NLRP8: variants seen among roughly 807,000 people sequenced by gnomAD.
The protein encoded by NLRP8 is NACHT, LRR and PYD domains-containing protein 8.
NLRP8 carries 86 observed loss-of-function variants against 88.7 expected under a neutral mutation model. The observed-to-expected ratio is 0.97, with a 90% CI of 0.81 to 1.16. The LOEUF (loss-of-function observed/expected upper bound fraction) is 1.16. NLRP8 is among the 50% of genes most tolerant of loss of function. NLRP8 has a pLI of 0.00. For missense variants in NLRP8, 1,342 were observed against 1,286.5 expected, an observed-to-expected ratio of 1.04 and a Z score of -0.66; for synonymous variants, 504 against 494.6, an observed-to-expected ratio of 1.02 and a Z score of -0.25.
intron 9 of NLRP8, 75 bp downstream of exon 9, chr19:55,979,639 C>T: frequency 6.5e-7 from 1 of 1,528,354 alleles, no homozygotes; most frequent in Non-Finnish European, 9.0e-7. Flanking sequence ...AGATGCTGGG[C>T]TGGGTGTAGT....
Position 55,966,223 on chromosome 19 carries a change from G to C in NLRP8, c.2224G>C (p.Val742Leu). Reference sequence around the variant, plus strand: ...CTCTTCCCTCTCCAGCCTAAGGCGTGTGAATAGCACCATGTTGAACCAGGA... The same window carrying C: ...CTCTTCCCTCTCCAGCCTAAGGCGTCTGAATAGCACCATGTTGAACCAGGA... Residue 742 changes from valine to leucine, a missense_variant, in exon 5 of 10, where the codon GTG (valine) becomes CTG (leucine). By Grantham distance (32) the Val-to-Leu change is conservative (BLOSUM62 1). Coordinates refer to ENST00000291971, the MANE Select transcript of NLRP8 (RefSeq NM_176811.2). 1 of 1,614,110 alleles carries C rather than the reference G, an allele frequency of 6.2e-7. No individual in the cohort carries two copies. The highest frequency in any genetic ancestry group is 8.5e-7 in the Non-Finnish European group (1 of 1,179,964).
At chr19:55,949,548 T>G (rs1252035620) in intron 1 of NLRP8, among the ~76,000 whole-genome samples, 1 of 152,264 alleles carries the variant, frequency 6.6e-6, no homozygotes, top group East Asian at 1.9e-4. Context: ...TAGATATGTA[T>G]TTAAAAAAAT....
At position 55,962,246 on chromosome 19, in the gene NLRP8, A is replaced by T; in HGVS notation, c.2213+9A>T. The T allele has an allele frequency of 6.2e-7, 1 of 1,609,196 alleles. No homozygotes were observed. ...AAACTGCAAAAGCTACTGTGAGTAT[A>T]ACACAAATCCCACTGGAAGGAACTT... On this transcript the variant is annotated intron_variant, in intron 4 of 9. Transcript: ENST00000291971.
intron 7 of NLRP8, 84 bp from the exon 8 acceptor site, chr19:55,976,049 C>A: frequency 1.2e-5 from 16 of 1,308,164 alleles, no homozygotes; most frequent in South Asian, 1.2e-4. Context: ...AGAAGTAAAA[C>A]CTAAGGGTGT....
chr19:55,970,497 C>T, intron 5 of NLRP8, 47 bp from the exon 6 acceptor site: 1 of 1,601,688 alleles, frequency 6.2e-7, no homozygotes, highest in South Asian at 1.1e-5. Context: ...CTACAGGTAC[C>T]ATTTTCCCCA....
chr19:55,955,280 C>T lies in NLRP8; in HGVS notation c.1222C>T (p.Gln408Ter). ...CTGGATGGTCTGCTCTGGTCTGAAA[C>T]AGCAAATGGAGAGAGGAAACAATCT... Residue 408 changes from glutamine to a stop codon, truncating the protein, a stop_gained, in exon 3 of 10, where the codon CAG (glutamine) becomes TAG (stop). Coordinates refer to ENST00000291971, the MANE Select transcript of NLRP8 (RefSeq NM_176811.2). LOFTEE classifies it high-confidence loss of function. 3 of 1,614,178 alleles carry T rather than the reference C, an allele frequency of 1.9e-6. No individual in the cohort carries two copies. Among genetic ancestry groups the T allele is most frequent in the Non-Finnish European group, 1.7e-6 (2 of 1,180,038 alleles).
At chr19:55,985,867 T>G (rs1195324631) in intron 9 of NLRP8, among the ~76,000 whole-genome samples, 1 of 152,052 alleles carries the variant, frequency 6.6e-6, no homozygotes, top group Non-Finnish European at 1.5e-5. Flanking sequence ...AATCTGAAAA[T>G]TAGCCGGGCA....
intron 6 of NLRP8, among the ~76,000 whole-genome samples, 192 bp from the exon 7 acceptor site, chr19:55,973,460 A>G (rs909047368): frequency 1.3e-5 from 2 of 152,182 alleles, no homozygotes; most frequent in Admixed American, 1.3e-4. Flanking sequence ...TTGATCCACA[A>G]TGCCTTCATC....
At chr19:55,950,354 G>GGTT (rs1400880466) in intron 1 of NLRP8, among the ~76,000 whole-genome samples, 3 of 151,988 alleles carry the variant, frequency 2.0e-5, no homozygotes, top group Non-Finnish European at 4.4e-5. Flanking sequence ...AGGAGGCAGA[G>GGTT]GTTGCAGAGG....
intron 1 of NLRP8, among the ~76,000 whole-genome samples, chr19:55,950,053 C>T (rs984592740): frequency 6.6e-6 from 1 of 151,952 alleles, no homozygotes; most frequent in African/African-American, 2.4e-5. Context: ...ACCCCGTGAC[C>T]CAGTGGTAGA....
intron 5 of NLRP8, among the ~76,000 whole-genome samples, 174 bp from the exon 6 acceptor site, chr19:55,970,370 A>G (rs573522998): frequency 6.6e-6 from 1 of 152,226 alleles, no homozygotes; most frequent in South Asian, 2.1e-4. Context: ...GTTTTTGCTG[A>G]TGACTTGGGA....
rs1979331575 is a variant in NLRP8 at position 55,955,866 on chromosome 19, G to A, written c.1808G>A (p.Gly603Asp). The stretch of plus-strand genomic sequence containing the variant: ...CATAAATGTGACCCACCTTCTCCGG[G>A]CAGTGGGGTCCCGCAGTTATTCTAC... Residue 603 changes from glycine (G) to aspartate (D), a missense_variant, in exon 3 of 10, where the codon GGC becomes GAC. Coordinates refer to ENST00000291971, the MANE Select transcript of NLRP8 (RefSeq NM_176811.2). 1 of 1,614,200 alleles carries A rather than the reference G, an allele frequency of 6.2e-7. No homozygotes were observed.
chr19:55,972,219 A>G (rs149268838), intron 6 of NLRP8, among the ~76,000 whole-genome samples: 210 of 147,756 alleles, frequency 1.4e-3, no homozygotes, highest in African/African-American at 4.5e-3. Flanking sequence ...GCTTCAAGTG[A>G]TTCTCCTGCC....
At chr19:55,973,604 G>A (rs1459015926) in intron 6 of NLRP8, 48 bp from the exon 7 acceptor site, 1 of 1,517,166 alleles carries the variant, frequency 6.6e-7, no homozygotes, top group East Asian at 2.3e-5. Context: ...TTCTGTGTGA[G>A]ACAAAGACCC....
intron 7 of NLRP8, among the ~76,000 whole-genome samples, chr19:55,975,126 C>G (rs752453343): frequency 6.6e-6 from 1 of 152,136 alleles, no homozygotes; most frequent in Non-Finnish European, 1.5e-5. Flanking sequence ...AGGACATCAC[C>G]GAACCATAAC....
chr19:55,972,206 C>T (rs538120881), intron 6 of NLRP8, among the ~76,000 whole-genome samples: 1 of 151,056 alleles, frequency 6.6e-6, no homozygotes, highest in African/African-American at 2.4e-5. Flanking sequence ...GCTCTGCCTC[C>T]CTGCTTCAAG....
chr19:55,954,510 G>A lies in NLRP8; in HGVS notation c.452G>A (p.Arg151Gln), dbSNP rs373378586. The change falls in exon 3 of 10, where the codon CGG (arginine) becomes CAG (glutamine). Residue 151 changes from arginine (R) to glutamine (Q), a missense_variant. Coordinates refer to ENST00000291971, the MANE Select transcript of NLRP8 (RefSeq NM_176811.2). ...CATCTCACAAATCTAGGTAAAATAC[G>A]GCGGTATAAATCGAATGTGATGGAA... 1.5e-5 allele frequency: 25 copies of A among 1,613,224 alleles called. No homozygotes were observed. Among genetic ancestry groups the A allele is most frequent in the Admixed American group, 3.3e-5 (2 of 59,910 alleles).
At chr19:55,970,158 T>C (rs1980009292) in intron 5 of NLRP8, among the ~76,000 whole-genome samples, 1 of 152,346 alleles carries the variant, frequency 6.6e-6, no homozygotes. Context: ...ATTGGTGAGA[T>C]GATGGATGTA....
chr19:55,965,203 C>A (rs1365735464), intron 4 of NLRP8, among the ~76,000 whole-genome samples: 1 of 152,158 alleles, frequency 6.6e-6, no homozygotes, highest in Non-Finnish European at 1.5e-5. Context: ...GTAATCCCAG[C>A]ACTTTGGGAG....
Sources: gnomAD v4.1 joint callset for allele counts (sites outside exome capture counted in the v4.1 genomes callset) on GRCh38, gnomAD v4.1.1 for gene constraint, MANE v1.5 for transcripts, NCBI Gene and HGNC (gene_info 2026-07-23, HGNC 2026-07-21) for gene names.